TNS1: variants seen among roughly 807,000 people sequenced by gnomAD.
TNS1 encodes tensin 1.
A neutral mutation model predicts 168.6 loss-of-function variants in TNS1; 62 were observed. The observed-to-expected ratio is 0.37, with a 90% CI of 0.30 to 0.45. The LOEUF is 0.45. Ranked by LOEUF, TNS1 falls within the 20% of genes least tolerant of loss-of-function variation. The probability of loss-of-function intolerance (pLI) is 1.00; values close to 1 mark genes in which losing one functional copy is unlikely to be tolerated. For missense variants in TNS1, 2,240 were observed against 2,339.4 expected (o/e 0.96, Z 0.88); for synonymous variants, 934 against 933.2 (o/e 1.00, Z -0.02).
upstream of TNS1, among the ~76,000 whole-genome samples, chr2:218,014,858 G>GGGAAGGAAGGAA (rs1280990477): frequency 1.5e-5 from 2 of 136,082 alleles, no homozygotes; most frequent in African/African-American, 2.8e-5. Context: ...GATTGCAGGA[G>GGGAAGGAAGGAA]GGAAGGAAGG....
intron 3 of TNS1, among the ~76,000 whole-genome samples, chr2:217,970,715 C>T (rs2373239): frequency 6.6e-6 from 1 of 151,698 alleles, no homozygotes; most frequent in Non-Finnish European, 1.5e-5. Flanking sequence ...GGGGTGAGGT[C>T]GGGGAGAGAT....
chr2:217,937,169 A>T, intron 3 of TNS1: 1 of 371,782 alleles, frequency 2.7e-6, no homozygotes, highest in Admixed American at 2.8e-5. Flanking sequence ...TTGCAGCAAC[A>T]CTCTGTCTAC....
chr2:217,804,546 G>C lies in TNS1; in HGVS notation c.5433C>G (p.Leu1811=). 6.2e-7 allele frequency: 1 copy of C among 1,614,192 alleles called. No individual in the cohort carries two copies. The highest frequency in any genetic ancestry group is 8.5e-7 in the Non-Finnish European group (1 of 1,180,012). The change falls in exon 33 of 33, where the codon CTC becomes CTG. Residue 1811 remains leucine, a synonymous_variant. Transcript: ENST00000682258. ...QGSTTDNACH[L]FAELDPNQPA... ...GCTGGTTGGGGTCAAGCTCAGCAAA[G>C]AGGTGGCAGGCGTTGTCCGTGGTGC...
chr2:217,923,578 C>A (rs2125872302), intron 3 of TNS1, among the ~76,000 whole-genome samples: 1 of 152,310 alleles, frequency 6.6e-6, no homozygotes, highest in South Asian at 2.1e-4. Context: ...CTCTTGTCCT[C>A]TATGCTAGAA....
At chr2:217,870,114 G>A (rs980918179) in intron 18 of TNS1, among the ~76,000 whole-genome samples, 1 of 152,230 alleles carries the variant, frequency 6.6e-6, no homozygotes, top group African/African-American at 2.4e-5. Context: ...TGCCTTCAAT[G>A]CCATTTATCC....
At chr2:218,006,264 C>T (rs1450940702), upstream of TNS1, among the ~76,000 whole-genome samples, 1 of 152,194 alleles carries the variant, frequency 6.6e-6, no homozygotes, top group Non-Finnish European at 1.5e-5. Flanking sequence ...AGCTAATGGC[C>T]TTAGAGCCTG....
At chr2:217,845,906 G>C (rs548846215) in intron 19 of TNS1, among the ~76,000 whole-genome samples, 6 of 152,232 alleles carry the variant, frequency 3.9e-5, no homozygotes, top group East Asian at 1.9e-4. Flanking sequence ...CATTAGACTA[G>C]CGTGTCACTA....
rs1938985372 is a variant in TNS1, at chr2:217,806,041, C to T, written c.5376-1438G>A. On this transcript the variant is annotated intron_variant, in intron 32 of 32. Transcript: ENST00000682258. ...TCCACAGGGCATCCCCCAGCACCTC[C>T]CTTTCCCAGCTGGCTCAGACCATGA... Among the ~76,000 whole-genome samples, 3 of 152,194 alleles carry T rather than the reference C, an allele frequency of 2.0e-5. No homozygotes were observed. In the South Asian group the frequency reaches 6.2e-4, roughly 32 times the overall value.
intron 21 of TNS1, among the ~76,000 whole-genome samples, chr2:217,834,656 G>A (rs1294414171): frequency 2.0e-5 from 3 of 152,136 alleles, no homozygotes; most frequent in Non-Finnish European, 4.4e-5. Flanking sequence ...CTCTCTCCTT[G>A]GTAGAAGCTA....
At chr2:217,830,855 G>A (rs1404599620) in intron 22 of TNS1, among the ~76,000 whole-genome samples, 1 of 152,242 alleles carries the variant, frequency 6.6e-6, no homozygotes, top group Non-Finnish European at 1.5e-5. Context: ...AGGGGATCGA[G>A]GAAACGGCAG....
intron 3 of TNS1, chr2:217,936,879 TG>T: frequency 2.2e-6 from 1 of 453,314 alleles, no homozygotes; most frequent in Non-Finnish European, 4.5e-6. Flanking sequence ...ACTACAAGGT[TG>T]GAAATATGAA....
At chr2:217,845,818 G>A (rs530320197) in intron 19 of TNS1, among the ~76,000 whole-genome samples, 3 of 152,334 alleles carry the variant, frequency 2.0e-5, no homozygotes, top group Admixed American at 6.5e-5. Context: ...AGCTCCAGGA[G>A]AGCTGCATGG....
At position 217,813,215 on chromosome 2, in the gene TNS1, C is replaced by T. The variant is rs1199780352; in HGVS notation, c.4954G>A (p.Gly1652Arg). 2 of 1,600,270 alleles carry T rather than the reference C, an allele frequency of 1.2e-6. No individual in the cohort carries two copies. The highest frequency in any genetic ancestry group is 1.7e-6 in the Non-Finnish European group (2 of 1,172,404). The change falls in exon 27 of 33, where the codon GGA (glycine) becomes AGA (arginine). Residue 1652 changes from glycine (G) to arginine (R), a missense_variant and splice_region_variant. This residue lies in a region of TNS1 where 2,131 missense variants were observed against 2,171.2 expected (regional missense o/e 0.98). Transcript: ENST00000682258. The surrounding 1 kb of genome is among the most constrained non-coding windows in gnomAD (Gnocchi z 4.0). ...AGATGGGGGCAGGGGGACAGCTCAC[C>T]GAAGTTTGGCTCATTGGGGCAGCCC... is the stretch of plus-strand genomic sequence containing the variant. ...LKGCPNEPNFGSLSALVYQHS... is the reference protein window; with the variant it reads ...LKGCPNEPNFRSLSALVYQHS...
At chr2:217,877,679 G>A (rs1574917543) in intron 18 of TNS1, among the ~76,000 whole-genome samples, 1 of 152,320 alleles carries the variant, frequency 6.6e-6, no homozygotes, top group Admixed American at 6.5e-5. Context: ...CTGGGTTGGG[G>A]GGCTGCAGGC....
chr2:217,861,837 C>T (rs772120918), intron 18 of TNS1, among the ~76,000 whole-genome samples: 4 of 152,152 alleles, frequency 2.6e-5, no homozygotes, highest in African/African-American at 4.8e-5. Flanking sequence ...CGTCTCCCTT[C>T]CCTAGCCCTG....
chr2:217,886,003 C>T (rs749791013), intron 14 of TNS1, 41 bp downstream of exon 14: 3 of 1,610,318 alleles, frequency 1.9e-6, no homozygotes, highest in African/African-American at 1.3e-5. Flanking sequence ...TAGCCCTGGG[C>T]CTTGGGCTTC....
intron 1 of TNS1, among the ~76,000 whole-genome samples, chr2:218,024,312 C>A (rs1189876275): frequency 1.3e-5 from 2 of 150,068 alleles, no homozygotes; most frequent in East Asian, 2.0e-4. Flanking sequence ...ACCCCCCCAT[C>A]CCCCCACGGA....
chr2:217,829,640 C>G (rs564223802), intron 22 of TNS1, among the ~76,000 whole-genome samples: 5 of 152,308 alleles, frequency 3.3e-5, no homozygotes, highest in Non-Finnish European at 7.4e-5. Context: ...CAGCGCCTGG[C>G]AGCTACAAGC....
chr2:217,886,462 C>A, intron 13 of TNS1, 72 bp downstream of exon 13: 5 of 1,251,782 alleles, frequency 4.0e-6, no homozygotes, highest in Non-Finnish European at 5.7e-6. Context: ...CCCAAGGTTG[C>A]CTCTTAGAGA....
Sources: allele counts gnomAD v4.1 joint callset (sites outside exome capture counted in the v4.1 genomes callset), GRCh38; gene constraint gnomAD v4.1.1; regional missense constraint gnomAD v4.1.1; non-coding constraint Gnocchi (gnomAD v3.1); transcripts MANE v1.5; gene names NCBI Gene and HGNC (gene_info 2026-07-23, HGNC 2026-07-21).